ZSWIM5: variants seen among roughly 807,000 people sequenced by gnomAD.
ZSWIM5 encodes zinc finger SWIM-type containing 5.
A neutral mutation model predicts 119.6 loss-of-function variants in ZSWIM5; 55 were observed. The ratio of observed to expected loss-of-function variants is 0.46; its 90% CI spans 0.37 to 0.58. The LOEUF is 0.58. ZSWIM5 is among the 20% of genes least tolerant of loss of function. The probability of loss-of-function intolerance (pLI) is 0.00; values close to 1 mark genes in which losing one functional copy is unlikely to be tolerated. For missense variants in ZSWIM5, 1,193 were observed against 1,512.8 expected (o/e 0.79, Z 3.51); for synonymous variants, 537 against 606.9 (o/e 0.88, Z 1.69).
At chr1:45,084,063 C>G (rs1007216308) in intron 2 of ZSWIM5, among the ~76,000 whole-genome samples, 1 of 152,194 alleles carries the variant, frequency 6.6e-6, no homozygotes, top group Non-Finnish European at 1.5e-5. Context: ...GGATGCACCA[C>G]AATGCCCAGC....
chr1:45,044,802 TAA>T (rs1557746587), intron 5 of ZSWIM5, among the ~76,000 whole-genome samples: 5 of 5,568 alleles, frequency 9.0e-4, no homozygotes, highest in South Asian at 0.011. Flanking sequence ...TATATATATA[TAA>T]ATATATATAT....
At chr1:45,080,450 T>C (rs910227148) in intron 2 of ZSWIM5, among the ~76,000 whole-genome samples, 2 of 152,224 alleles carry the variant, frequency 1.3e-5, no homozygotes, top group Admixed American at 6.5e-5. Flanking sequence ...CTGCAATTTC[T>C]GTTTTCCCAG....
chr1:45,127,408 C>A (rs1260298779), intron 1 of ZSWIM5, among the ~76,000 whole-genome samples: 3 of 150,758 alleles, frequency 2.0e-5, no homozygotes, highest in Non-Finnish European at 4.4e-5. Context: ...ATGCTTTACG[C>A]TAAGATAGGG....
At chr1:45,063,581 CACATTGGCTTATG>C (rs1449900315) in intron 2 of ZSWIM5, among the ~76,000 whole-genome samples, 2 of 152,134 alleles carry the variant, frequency 1.3e-5, no homozygotes, top group African/African-American at 4.8e-5. Flanking sequence ...AGAAGTCAAC[CACATTGGCTTATG>C]ACATTCTTTT....
chr1:45,040,019 G>A (rs1645010096), intron 7 of ZSWIM5, among the ~76,000 whole-genome samples: 1 of 150,480 alleles, frequency 6.6e-6, no homozygotes, highest in Non-Finnish European at 1.5e-5. Flanking sequence ...TTTTATTTTT[G>A]TAAAGATAGG....
chr1:45,070,499 T>C lies in ZSWIM5; in HGVS notation c.953-10252A>G, dbSNP rs573514457. On this transcript the variant is annotated intron_variant, in intron 2 of 13. Transcript: ENST00000359600. ...AACAATTCTATTGAGTTTTAAAATT[T>C]TCTGCCATCAAATTTGTAATATTCA... 18 of 794,058 alleles carry C rather than the reference T, an allele frequency of 2.3e-5. No individual in the cohort carries two copies. In the African/African-American group the frequency reaches 2.9e-4, roughly 13 times the overall value. 49.2% of individuals were successfully genotyped at this position (794,058 alleles called of 1,614,324 possible). A position where few individuals can be genotyped will look rare whatever the true frequency, so the allele number is the denominator to read the frequency against.
chr1:45,101,752 C>T (rs138152153), intron 1 of ZSWIM5, among the ~76,000 whole-genome samples: 2 of 152,212 alleles, frequency 1.3e-5, no homozygotes, highest in Admixed American at 1.3e-4. Flanking sequence ...GACATGGATA[C>T]AGCTAGAAAC....
intron 1 of ZSWIM5, among the ~76,000 whole-genome samples, chr1:45,167,052 A>G (rs940163418): frequency 2.0e-5 from 3 of 152,168 alleles, no homozygotes; most frequent in South Asian, 4.1e-4. Flanking sequence ...TGGAGGCATC[A>G]TGCTACCTGA....
At chr1:45,168,152 G>C (rs1399276664) in intron 1 of ZSWIM5, among the ~76,000 whole-genome samples, 1 of 151,998 alleles carries the variant, frequency 6.6e-6, no homozygotes, top group Non-Finnish European at 1.5e-5. Flanking sequence ...CCATAAAAAA[G>C]GGTGAGTTCA....
Position 45,051,054 on chromosome 1 carries a change from TA to T in ZSWIM5, c.1432+19del. 10 of 1,606,602 alleles carry T rather than the reference TA, an allele frequency of 6.2e-6. No individual in the cohort carries two copies. The highest frequency in any genetic ancestry group is 1.3e-5 in the African/African-American group (1 of 74,700). The stretch of plus-strand genomic sequence containing the variant: ...TTTGAAGTTCCAGGTACAAAGAGCC[TA>T]AAAGGACACTTGGCTCACCTGGGCT... On this transcript the variant is annotated intron_variant, in intron 5 of 13. Transcript: ENST00000359600.
At chr1:45,065,313 T>C (rs1430709395) in intron 2 of ZSWIM5, among the ~76,000 whole-genome samples, 1 of 152,158 alleles carries the variant, frequency 6.6e-6, no homozygotes, top group Admixed American at 6.5e-5. Context: ...ATTCTGACCC[T>C]GGGGTGGTTA....
At position 45,193,460 on chromosome 1, in the gene ZSWIM5, G is replaced by A. The variant is rs143327921; in HGVS notation, c.595+12296C>T. Among the ~76,000 whole-genome samples, 1,343 of 152,244 alleles carry A rather than the reference G, an allele frequency of 8.8e-3. 8 individuals carry two copies. Among genetic ancestry groups the A allele is most frequent in the Middle Eastern group, 0.024 (7 of 294 alleles). Reference sequence around the variant, plus strand: ...ATAAAAGAAAACAGAAAGAAAGCCAGAATGGTGAAGTAAAACAAAAATCTA... The same window carrying A: ...ATAAAAGAAAACAGAAAGAAAGCCAAAATGGTGAAGTAAAACAAAAATCTA... On this transcript the variant is annotated intron_variant, in intron 1 of 13. Transcript: ENST00000359600.
At chr1:45,143,381 A>T (rs1275503175) in intron 1 of ZSWIM5, among the ~76,000 whole-genome samples, 1 of 152,198 alleles carries the variant, frequency 6.6e-6, no homozygotes, top group Non-Finnish European at 1.5e-5. Flanking sequence ...CCATATTAAC[A>T]GTCTAAAGAA....
At chr1:45,160,321 T>C (rs553417776) in intron 1 of ZSWIM5, among the ~76,000 whole-genome samples, 3 of 152,320 alleles carry the variant, frequency 2.0e-5, no homozygotes, top group African/African-American at 7.2e-5. Context: ...TCCTCTCTTA[T>C]AGCTAATTTG....
Position 45,019,955 on chromosome 1 carries a change from G to T in ZSWIM5, c.2695+111C>A. 1.1e-6 allele frequency: 1 copy of T among 924,922 alleles called. No individual in the cohort carries two copies. The highest frequency in any genetic ancestry group is 1.6e-5 in the South Asian group (1 of 63,050). 57.3% of individuals were successfully genotyped at this position (924,922 alleles called of 1,614,324 possible). Reference sequence around the variant, plus strand: ...ATCCTTTCTTAGGCCATCTCCTGATGGACCTAAGATCTCATAGGAATATGA... The same window carrying T: ...ATCCTTTCTTAGGCCATCTCCTGATTGACCTAAGATCTCATAGGAATATGA... On this transcript the variant is annotated intron_variant, in intron 13 of 13. Transcript: ENST00000359600. The surrounding 1 kb of genome is among the most constrained non-coding windows in gnomAD (Gnocchi z 5.0).
chr1:45,129,351 G>T (rs1645641006), intron 1 of ZSWIM5, among the ~76,000 whole-genome samples: 2 of 151,528 alleles, frequency 1.3e-5, no homozygotes, highest in African/African-American at 2.4e-5. Flanking sequence ...TAGAGACGAG[G>T]TTTCACCATG....
chr1:45,040,656 G>T, intron 6 of ZSWIM5, 118 bp from the exon 7 acceptor site: 1 of 776,274 alleles, frequency 1.3e-6, no homozygotes, highest in Non-Finnish European at 2.0e-6. Context: ...GACACCTACT[G>T]TATACCAGGA....
chr1:45,195,760 A>G (rs1557796103), intron 1 of ZSWIM5, among the ~76,000 whole-genome samples: 3 of 152,214 alleles, frequency 2.0e-5, no homozygotes, highest in South Asian at 2.1e-4. Context: ...AATAGAAAAG[A>G]AAGTTGACAT....
intron 1 of ZSWIM5, among the ~76,000 whole-genome samples, chr1:45,096,106 C>T (rs1450883184): frequency 2.0e-5 from 3 of 152,160 alleles, no homozygotes; most frequent in Non-Finnish European, 2.9e-5. Flanking sequence ...TGAAGTTATT[C>T]TACTTATCAA....
Sources: gnomAD v4.1 joint callset for allele counts (sites outside exome capture counted in the v4.1 genomes callset) on GRCh38, gnomAD v4.1.1 for gene constraint, Gnocchi (gnomAD v3.1) non-coding constraint, MANE v1.5 for transcripts, NCBI Gene and HGNC (gene_info 2026-07-23, HGNC 2026-07-21) for gene names.